Variants in SYNE2 observed in about 807,000 individuals in gnomAD.
The protein encoded by SYNE2 is spectrin repeat containing nuclear envelope protein 2.
A neutral mutation model predicts 856.3 loss-of-function variants in SYNE2; 431 were observed. The observed-to-expected ratio is 0.50, with a 90% CI of 0.47 to 0.55. The LOEUF (loss-of-function observed/expected upper bound fraction) is 0.55, where lower values mean the gene tolerates loss of function less well. SYNE2 is among the 20% of genes least tolerant of loss of function. The probability of loss-of-function intolerance (pLI) is 0.00; values close to 1 mark genes in which losing one functional copy is unlikely to be tolerated. For synonymous variants in SYNE2, 2,923 were observed against 2,872.3 expected (o/e 1.02, Z -0.56); for missense variants, 8,129 against 8,023.2 (o/e 1.01, Z -0.50).
At chr14:64,111,385 G>A (rs1421820490) in intron 65 of SYNE2, among the ~76,000 whole-genome samples, 1 of 152,114 alleles carries the variant, frequency 6.6e-6, no homozygotes, top group Non-Finnish European at 1.5e-5. Flanking sequence ...ATCTTTGTCT[G>A]TAGCAATATC....
At position 64,090,987 on chromosome 14, in the gene SYNE2, A is replaced by T. The variant is rs761835869; in HGVS notation, c.11915A>T (p.Gln3972Leu). Reference protein sequence around the residue: ...KPLPVFQRTNQLLQDIKLLEN... With the variant: ...KPLPVFQRTNLLLQDIKLLEN... ...CTGCCTGTGTTTCAGCGGACAAATC[A>T]GCTTTTACAAGATATAAAACTATTG... is the stretch of plus-strand genomic sequence containing the variant. Residue 3972 changes from glutamine to leucine, a missense_variant, in exon 60 of 116, where the codon CAG becomes CTG. Gln to Leu is a moderately radical substitution (Grantham distance 113, BLOSUM62 -2). Around this residue, in one of 3 missense-constraint regions of SYNE2, gnomAD observed 5,410 missense variants for 5,284.8 expected, o/e 1.02. Transcript: ENST00000555002. The T allele has an allele frequency of 1.1e-5, 17 of 1,614,060 alleles. No homozygotes were observed. The highest frequency in any genetic ancestry group is 1.7e-5 in the Admixed American group (1 of 60,014).
rs1373325009 is a variant in SYNE2 at position 64,220,786 on chromosome 14, G to C, written c.20061+149G>C. On this transcript the variant is annotated intron_variant, in intron 111 of 115. Transcript: ENST00000555002. The stretch of plus-strand genomic sequence containing the variant: ...ATGTGCTTTACCATTTGTTTCCACA[G>C]AGGCTCACCGGCCATCTCAGAGACC... The C allele has an allele frequency of 5.0e-6, 5 of 1,000,630 alleles. No homozygotes were observed. The African/African-American group carries it at 8.0e-5, about 16-fold the overall frequency. 62.0% of individuals were successfully genotyped at this position (1,000,630 alleles called of 1,614,324 possible).
intron 52 of SYNE2, among the ~76,000 whole-genome samples, chr14:64,071,473 G>A (rs991811385): frequency 6.6e-6 from 1 of 151,914 alleles, no homozygotes; most frequent in African/African-American, 2.4e-5. Flanking sequence ...CAGCCTGGGT[G>A]ACAGAGTGAG....
At chr14:64,102,354 C>T (rs530664055) in intron 64 of SYNE2, among the ~76,000 whole-genome samples, 1 of 152,288 alleles carries the variant, frequency 6.6e-6, no homozygotes, top group East Asian at 1.9e-4. Context: ...TGCTTCCTCT[C>T]TTCCCTCTTT....
chr14:63,971,669 G>A (rs1007929179), intron 11 of SYNE2, among the ~76,000 whole-genome samples: 2 of 150,264 alleles, frequency 1.3e-5, no homozygotes, highest in African/African-American at 4.9e-5. Flanking sequence ...TATTTCCCAT[G>A]TTCTTAATTT....
chr14:64,015,845 C>G (rs994796257), intron 32 of SYNE2, among the ~76,000 whole-genome samples: 37 of 152,124 alleles, frequency 2.4e-4, no homozygotes, highest in African/African-American at 7.9e-4. Flanking sequence ...TCCCTCTCAG[C>G]AATACTTTGA....
intron 1 of SYNE2, among the ~76,000 whole-genome samples, chr14:63,867,006 C>T (rs1895532361): frequency 6.6e-6 from 1 of 152,138 alleles, no homozygotes; most frequent in African/African-American, 2.4e-5. Context: ...CAATTGGTGC[C>T]AGACACTTTA....
chr14:63,921,841 A>T (rs1455684588), intron 2 of SYNE2, among the ~76,000 whole-genome samples: 2 of 152,118 alleles, frequency 1.3e-5, no homozygotes. Flanking sequence ...GGGAGGTGAG[A>T]GATAGGGTAG....
At chr14:64,080,327 T>A in intron 55 of SYNE2, 129 bp from the exon 56 acceptor site, 1 of 959,056 alleles carries the variant, frequency 1.0e-6, no homozygotes, top group African/African-American at 1.6e-5. Context: ...AATTAACAAC[T>A]GTTCATGTGA....
chr14:63,911,711 T>C (rs911219670), intron 2 of SYNE2, among the ~76,000 whole-genome samples: 5 of 152,196 alleles, frequency 3.3e-5, no homozygotes, highest in Admixed American at 6.5e-5. Flanking sequence ...CCTTAACAAC[T>C]TTCACTGGAA....
intron 1 of SYNE2, among the ~76,000 whole-genome samples, chr14:63,904,231 A>T (rs1333776501): frequency 6.6e-6 from 1 of 152,126 alleles, no homozygotes; most frequent in African/African-American, 2.4e-5. Context: ...GTTGATGGGA[A>T]CCCAGGCTGA....
chr14:63,959,402 A>G (rs548449803), intron 8 of SYNE2, among the ~76,000 whole-genome samples: 150 of 148,128 alleles, frequency 1.0e-3, no homozygotes, highest in African/African-American at 3.6e-3. Context: ...GGTTCAAGCA[A>G]TTCTCCTGCC....
At chr14:63,994,573 C>G (rs74777676) in intron 22 of SYNE2, among the ~76,000 whole-genome samples, 1,979 of 152,242 alleles carry the variant, frequency 0.013, 44 homozygotes, top group Admixed American at 0.014. Context: ...ATCGTTGATA[C>G]GATTACTGGG....
intron 103 of SYNE2, 23 bp downstream of exon 103, chr14:64,210,147 C>G: frequency 6.2e-7 from 1 of 1,611,166 alleles, no homozygotes; most frequent in Non-Finnish European, 8.5e-7. Flanking sequence ...GCACCTGGCT[C>G]GGGTGTAGAT....
rs146155475 is a variant in SYNE2, at chr14:64,219,631, A to G, written c.19860+221A>G. ...TATCTGCAAATGATCCTGATCCCAG[A>G]GTACTGGGGAGGTGTGGCTCAGATC... On this transcript the variant is annotated intron_variant, in intron 110 of 115. Coordinates refer to ENST00000555002, the MANE Select transcript of SYNE2 (RefSeq NM_182914.3). 1.1e-3 allele frequency among the ~76,000 whole-genome samples: 161 copies of G among 152,298 alleles called. 5 individuals are homozygous for G. In the East Asian group the frequency reaches 0.027, roughly 26 times the overall value.
intron 1 of SYNE2, among the ~76,000 whole-genome samples, chr14:63,890,387 TCAAA>T (rs1308757810): frequency 6.6e-6 from 1 of 152,154 alleles, no homozygotes; most frequent in Non-Finnish European, 1.5e-5. Context: ...GGACTCACAA[TCAAA>T]CAAAGTAGGC....
At chr14:63,941,121 T>C (rs2095909017) in intron 3 of SYNE2, among the ~76,000 whole-genome samples, 1 of 152,204 alleles carries the variant, frequency 6.6e-6, no homozygotes, top group Admixed American at 6.5e-5. Flanking sequence ...AGAGAAGTTT[T>C]GTGACTTGCA....
intron 1 of SYNE2, among the ~76,000 whole-genome samples, chr14:63,814,942 ATATC>A (rs1308746566): frequency 7.0e-6 from 1 of 142,452 alleles, no homozygotes; most frequent in South Asian, 2.2e-4. Context: ...CTATCCATAT[ATATC>A]TATCCATATA....
At chr14:63,802,666 C>T (rs370839846) in intron 1 of SYNE2, among the ~76,000 whole-genome samples, 8 of 152,194 alleles carry the variant, frequency 5.3e-5, no homozygotes, top group African/African-American at 1.9e-4. Context: ...AAGCCGCAGA[C>T]CCTCGCGGTG....
Sources: allele counts gnomAD v4.1 joint callset (sites outside exome capture counted in the v4.1 genomes callset), GRCh38; gene constraint gnomAD v4.1.1; regional missense constraint gnomAD v4.1.1; transcripts MANE v1.5; gene names NCBI Gene and HGNC (gene_info 2026-07-23, HGNC 2026-07-21).